Variants in VPS13A observed in about 807,000 individuals in gnomAD.
The protein encoded by VPS13A is intermembrane lipid transfer protein VPS13A.
Under a neutral mutation model 390.9 loss-of-function variants are expected in VPS13A, and 264 were observed. The ratio of observed to expected loss-of-function variants is 0.68; its 90% CI spans 0.61 to 0.75. The LOEUF is 0.75. Ranked by LOEUF, VPS13A falls within the 30% of genes least tolerant of loss-of-function variation. The pLI, the probability that VPS13A is intolerant of heterozygous loss-of-function variation, is 0.00. For missense variants in VPS13A, 3,409 were observed against 3,733.9 expected (o/e 0.91, Z 2.27); for synonymous variants, 1,231 against 1,227.1 (o/e 1.00, Z -0.07).
At chr9:77,178,485 C>T (rs886948910) in intron 1 of VPS13A, among the ~76,000 whole-genome samples, 4 of 152,208 alleles carry the variant, frequency 2.6e-5, no homozygotes, top group Non-Finnish European at 5.9e-5. Context: ...ACAGCCTGAC[C>T]TAGGAATGTG....
rs887428488 is a variant in VPS13A, at chr9:77,351,953, G to A, written c.7419+507G>A. The stretch of plus-strand genomic sequence containing the variant: ...TTTGTGGCCACACTTCTGAAAAACT[G>A]CCAAACGTCTTCAAAATAGTATTCA... On this transcript the variant is annotated intron_variant, in intron 53 of 71. Transcript: ENST00000360280. Among the ~76,000 whole-genome samples, 4 of 152,266 alleles carry A rather than the reference G, an allele frequency of 2.6e-5. No homozygotes were observed. The East Asian group carries it at 5.8e-4, about 22-fold the overall frequency.
At chr9:77,372,693 T>A (rs906613533) in intron 67 of VPS13A, among the ~76,000 whole-genome samples, 18 of 152,272 alleles carry the variant, frequency 1.2e-4, no homozygotes, top group Middle Eastern at 3.4e-3. Flanking sequence ...GGAAGTCAAA[T>A]TGTCCCTGTT....
Position 77,260,135 on chromosome 9 carries a change from A to G in VPS13A, c.2338A>G (p.Lys780Glu). Reference sequence around the variant, plus strand: ...TCTTATTTCTTTACGAATCTCAGATAAAAAACTACAAGGGATTATGGAATT... The same window carrying G: ...TCTTATTTCTTTACGAATCTCAGATGAAAAACTACAAGGGATTATGGAATT... ...LPLISLRISD[K>E]KLQGIMELIE... Residue 780 changes from lysine (K) to glutamate (E), a missense_variant, in exon 23 of 72, where the codon AAA becomes GAA. This residue lies in a region of VPS13A where 2,717 missense variants were observed against 2,917.4 expected (regional missense o/e 0.93). Coordinates refer to ENST00000360280, the MANE Select transcript of VPS13A (RefSeq NM_033305.3). The G allele has an allele frequency of 1.3e-6, 2 of 1,588,664 alleles. No individual in the cohort carries two copies. The highest frequency in any genetic ancestry group is 8.6e-7 in the Non-Finnish European group (1 of 1,157,972).
chr9:77,390,097 C>A, intron 68 of VPS13A: 1 of 985,400 alleles, frequency 1.0e-6, no homozygotes, highest in Non-Finnish European at 1.2e-6. Context: ...GCAGTCAGAT[C>A]ACCAGAGTAG....
At chr9:77,204,708 T>C (rs1825536900) in intron 3 of VPS13A, among the ~76,000 whole-genome samples, 3 of 152,066 alleles carry the variant, frequency 2.0e-5, no homozygotes, top group African/African-American at 7.2e-5. Context: ...CTCACTGTAG[T>C]CCTGACCTCC....
At chr9:77,246,500 TTTTG>T (rs1371072799) in intron 19 of VPS13A, among the ~76,000 whole-genome samples, 3 of 152,046 alleles carry the variant, frequency 2.0e-5, no homozygotes, top group African/African-American at 7.2e-5. Context: ...AAATGTGCCT[TTTTG>T]TTTGAGTGTC....
In VPS13A at chr9:77,177,730, A is replaced by G. The variant is rs1823720597; in HGVS notation, c.26A>G (p.Asp9Gly). The part of the protein sequence containing the change: MVFESVVV[D>G]VLNRFLGDYV... ...ATGGTTTTCGAGTCGGTGGTCGTGG[A>G]CGTGTTGAACCGGTTCTTGGGGGAC... The change falls in exon 1 of 72, where the codon GAC (aspartate) becomes GGC (glycine). Residue 9 changes from aspartate to glycine, a missense_variant. By Grantham distance (94) the Asp-to-Gly change is moderately conservative. Around this residue, in one of 5 missense-constraint regions of VPS13A, gnomAD observed 2,717 missense variants for 2,917.4 expected, o/e 0.93. Transcript: ENST00000360280. 1.9e-6 allele frequency: 3 copies of G among 1,613,084 alleles called. No individual in the cohort carries two copies. The highest frequency in any genetic ancestry group is 2.5e-6 in the Non-Finnish European group (3 of 1,179,558).
intron 71 of VPS13A, among the ~76,000 whole-genome samples, chr9:77,409,550 A>G (rs112573173): frequency 0.039 from 5,874 of 152,070 alleles, 321 homozygotes; most frequent in African/African-American, 0.12. Context: ...AAAAACCTTG[A>G]AAAAAAATTA....
chr9:77,184,580 C>T (rs893302636), intron 1 of VPS13A, among the ~76,000 whole-genome samples: 3 of 152,208 alleles, frequency 2.0e-5, no homozygotes, highest in Non-Finnish European at 2.9e-5. Flanking sequence ...GATCGTGCTA[C>T]TGCACTCCAG....
In VPS13A at chr9:77,281,741, A is replaced by G. The variant is rs11145365; in HGVS notation, c.2905-126A>G. ...TAATTATATGTGTGTGTATATGTGT[A>G]TATATATATATATATATGTATATGA... On this transcript the variant is annotated intron_variant, in intron 27 of 71. Transcript: ENST00000360280. 591 of 163,492 alleles carry G rather than the reference A, an allele frequency of 3.6e-3. 2 individuals are homozygous for G. The highest frequency in any genetic ancestry group is 0.015 in the South Asian group (123 of 7,990). The allele number at this position is 163,492 out of a possible 1,614,324, so 10.1% of individuals were successfully genotyped here.
At position 77,339,789 on chromosome 9, in the gene VPS13A, G is replaced by A; in HGVS notation, c.6652G>A (p.Val2218Ile). Residue 2218 changes from valine to isoleucine, a missense_variant, in exon 48 of 72, where the codon GTC (valine) becomes ATC (isoleucine). Physicochemically the swap from Val to Ile is conservative, Grantham distance 29 (BLOSUM62 3). Transcript: ENST00000360280. Reference protein sequence around the residue: ...VVAFHSPYWMVNKTGRMLQYK... With the variant: ...VVAFHSPYWMINKTGRMLQYK... ...GGCATTTCATAGTCCTTATTGGATG[G>A]TCAATAAAACTGGCCGCATGTTACA... 6.2e-7 allele frequency: 1 copy of A among 1,614,022 alleles called. No individual in the cohort carries two copies. The highest frequency in any genetic ancestry group is 8.5e-7 in the Non-Finnish European group (1 of 1,179,978).
intron 2 of VPS13A, 46 bp downstream of exon 2, chr9:77,200,034 A>G (rs746589360): frequency 6.9e-7 from 1 of 1,452,650 alleles, no homozygotes. Flanking sequence ...GCATTTAATT[A>G]TGTATAATTC....
chr9:77,302,271 T>G (rs988706411), intron 33 of VPS13A, among the ~76,000 whole-genome samples: 1 of 152,168 alleles, frequency 6.6e-6, no homozygotes, highest in African/African-American at 2.4e-5. Context: ...ATAGAGATAA[T>G]TCTTATTTTA....
chr9:77,410,340 C>A (rs1834858635), intron 71 of VPS13A, among the ~76,000 whole-genome samples: 1 of 152,178 alleles, frequency 6.6e-6, no homozygotes, highest in South Asian at 2.1e-4. Context: ...ACTGCAAAAA[C>A]ATGCCAAATT....
intron 33 of VPS13A, among the ~76,000 whole-genome samples, chr9:77,302,367 C>CTTTTTTTTTTT (rs750574896): frequency 1.5e-5 from 2 of 136,044 alleles, no homozygotes; most frequent in Non-Finnish European, 3.1e-5. Context: ...ATATTTTTCC[C>CTTTTTTTTTTT]CTTTTTTTTT....
intron 23 of VPS13A, among the ~76,000 whole-genome samples, chr9:77,260,648 C>T (rs891007194): frequency 1.3e-5 from 2 of 151,970 alleles, no homozygotes; most frequent in African/African-American, 2.4e-5. Flanking sequence ...AGCCACCACG[C>T]CCAGCCAGAA....
chr9:77,400,763 G>C (rs1048798886), intron 68 of VPS13A, among the ~76,000 whole-genome samples: 7 of 149,146 alleles, frequency 4.7e-5, no homozygotes, highest in African/African-American at 1.5e-4. Context: ...AGGAGGCAGA[G>C]TTTGCAGTGA....
At chr9:77,214,300 A>G (rs373414185) in intron 9 of VPS13A, 29 bp from the exon 10 acceptor site, 2 of 1,597,326 alleles carry the variant, frequency 1.3e-6, no homozygotes, top group Non-Finnish European at 1.7e-6. Context: ...TGGCATGAAT[A>G]TAAATAAAAG....
At chr9:77,185,420 G>A (rs974985280) in intron 1 of VPS13A, among the ~76,000 whole-genome samples, 1 of 152,108 alleles carries the variant, frequency 6.6e-6, no homozygotes, top group Non-Finnish European at 1.5e-5. Flanking sequence ...GATTACAGGC[G>A]TGAGCTACTG....
Sources: allele counts gnomAD v4.1 joint callset (sites outside exome capture counted in the v4.1 genomes callset), GRCh38; gene constraint gnomAD v4.1.1; regional missense constraint gnomAD v4.1.1; transcripts MANE v1.5; gene names NCBI Gene and HGNC (gene_info 2026-07-23, HGNC 2026-07-21).